SOX5: variants seen among roughly 807,000 people sequenced by gnomAD.
SOX5 encodes the protein transcription factor SOX-5.
SOX5 carries 9 observed loss-of-function variants against 92.0 expected under a neutral mutation model. The ratio of observed to expected loss-of-function variants is 0.10; its 90% confidence interval spans 0.06 to 0.17. SOX5 has a LOEUF of 0.17. SOX5 is among the 10% of genes least tolerant of loss of function. The probability of loss-of-function intolerance (pLI) is 1.00; values close to 1 mark genes in which losing one functional copy is unlikely to be tolerated. For missense variants in SOX5, 642 were observed against 944.5 expected, an observed-to-expected ratio of 0.68 and a Z score of 4.20; for synonymous variants, 344 against 336.3, an observed-to-expected ratio of 1.02 and a Z score of -0.25.
chr12:23,786,065 T>C (rs2095371568), intron 3 of SOX5, among the ~76,000 whole-genome samples: 4 of 152,108 alleles, frequency 2.6e-5, no homozygotes, highest in South Asian at 4.1e-4. Context: ...TTTCTAGTTA[T>C]CAATTCAGTG....
chr12:23,613,775 A>C (rs1178803236), intron 8 of SOX5, among the ~76,000 whole-genome samples: 1 of 152,216 alleles, frequency 6.6e-6, no homozygotes, highest in East Asian at 1.9e-4. Flanking sequence ...CCAAATAACA[A>C]ATATAGTATG....
At chr12:24,061,398 C>T (rs1419309606) in intron 4 of SOX5, among the ~76,000 whole-genome samples, 2 of 151,080 alleles carry the variant, frequency 1.3e-5, no homozygotes, top group African/African-American at 4.9e-5. Flanking sequence ...TCCATTATTG[C>T]CATGTATCCA....
chr12:24,122,362 T>C (rs1948713841), intron 4 of SOX5, among the ~76,000 whole-genome samples: 1 of 152,186 alleles, frequency 6.6e-6, no homozygotes, highest in African/African-American at 2.4e-5. Flanking sequence ...AAAAGTTTTC[T>C]GGAACGACCA....
intron 4 of SOX5, among the ~76,000 whole-genome samples, chr12:23,974,656 T>G (rs1948714196): frequency 6.6e-6 from 1 of 152,114 alleles, no homozygotes; most frequent in Non-Finnish European, 1.5e-5. Flanking sequence ...GACGGGAAGA[T>G]AGTGGTAATA....
chr12:23,594,561 T>C (rs1280868959), intron 9 of SOX5, among the ~76,000 whole-genome samples: 1 of 152,136 alleles, frequency 6.6e-6, no homozygotes, highest in Non-Finnish European at 1.5e-5. Flanking sequence ...AAAAATTCCT[T>C]TGCTACAAAG....
intron 7 of SOX5, among the ~76,000 whole-genome samples, chr12:23,662,956 C>G (rs892913427): frequency 3.9e-5 from 6 of 152,116 alleles, no homozygotes; most frequent in Non-Finnish European, 7.4e-5. Flanking sequence ...AAATAATTGG[C>G]AACCGGAAAA....
At position 24,328,205 on chromosome 12, in the gene SOX5, T is replaced by C. The variant is rs546249162; in HGVS notation, c.-174+40358A>G. ...ATTCAAGAAGGCAAAGATCTATGCA[T>C]GCTAGCAAATCCTATTTCCTGAATA... On this transcript the variant is annotated intron_variant, in intron 2 of 4. Transcript: ENST00000446891. 2.6e-5 allele frequency among the ~76,000 whole-genome samples: 4 copies of C among 152,348 alleles called. No individual in the cohort carries two copies. In the East Asian group the frequency reaches 7.7e-4, roughly 29 times the overall value.
At chr12:24,194,432 T>TGTAG (rs1246191280) in intron 4 of SOX5, among the ~76,000 whole-genome samples, 78 of 99,288 alleles carry the variant, frequency 7.9e-4, no homozygotes, top group African/African-American at 3.3e-3. Flanking sequence ...TAGGTAGGTA[T>TGTAG]GTAGGTAGGT....
chr12:23,803,674 G>C (rs1208466621), intron 3 of SOX5, among the ~76,000 whole-genome samples: 1 of 152,180 alleles, frequency 6.6e-6, no homozygotes, highest in African/African-American at 2.4e-5. Context: ...GTCTAGTGAA[G>C]AAAGAAATTG....
chr12:24,138,607 T>G lies in SOX5; in HGVS notation c.-2+74736A>C, dbSNP rs12819448. Among the ~76,000 whole-genome samples the G allele has an allele frequency of 5.3e-5, 8 of 152,184 alleles. No homozygotes were observed. The South Asian group carries it at 6.2e-4, about 12-fold the overall frequency. ...GTAGAGGAGGTTGGTGGGGGATGGGTATGGGGAAAATGTTTGCAAGTCAGG... is the reference window on the plus strand; with the variant it reads ...GTAGAGGAGGTTGGTGGGGGATGGGGATGGGGAAAATGTTTGCAAGTCAGG... On this transcript the variant is annotated intron_variant, in intron 4 of 4. Transcript: ENST00000446891.
intron 4 of SOX5, among the ~76,000 whole-genome samples, chr12:24,014,063 C>A (rs939674073): frequency 6.6e-6 from 1 of 152,086 alleles, no homozygotes; most frequent in African/African-American, 2.4e-5. Flanking sequence ...ACCTGAGAAC[C>A]CTTCGTGACT....
chr12:23,953,599 T>C (rs1945926932), upstream of SOX5, among the ~76,000 whole-genome samples: 1 of 152,028 alleles, frequency 6.6e-6, no homozygotes, highest in Non-Finnish European at 1.5e-5. Flanking sequence ...ATTATATATA[T>C]GTATATAAAA....
chr12:23,614,061 C>T (rs1202252633), intron 8 of SOX5, among the ~76,000 whole-genome samples: 2 of 152,154 alleles, frequency 1.3e-5, no homozygotes, highest in Non-Finnish European at 2.9e-5. Flanking sequence ...GACAAGGAAT[C>T]GCTTCTGTCC....
intron 3 of SOX5, among the ~76,000 whole-genome samples, chr12:23,780,156 T>C (rs114815961): frequency 1.3e-5 from 2 of 152,016 alleles, no homozygotes; most frequent in African/African-American, 4.8e-5. Context: ...GGACATTTTA[T>C]GTACTAGAGG....
At chr12:24,411,630 C>A (rs1373485290) in intron 1 of SOX5, among the ~76,000 whole-genome samples, 1 of 152,122 alleles carries the variant, frequency 6.6e-6, no homozygotes, top group African/African-American at 2.4e-5. Flanking sequence ...ATATACTGAG[C>A]CAGCCTTGAA....
intron 4 of SOX5, among the ~76,000 whole-genome samples, chr12:24,204,452 C>T (rs1392370970): frequency 6.6e-6 from 1 of 151,968 alleles, no homozygotes; most frequent in East Asian, 1.9e-4. Flanking sequence ...CCTCGGCTTC[C>T]TGAGTAACTG....
At chr12:24,086,814 T>C (rs948250848) in intron 4 of SOX5, among the ~76,000 whole-genome samples, 6 of 152,036 alleles carry the variant, frequency 3.9e-5, no homozygotes, top group African/African-American at 1.2e-4. Flanking sequence ...AGGAAGAATC[T>C]CCAAGCTCAA....
intron 4 of SOX5, among the ~76,000 whole-genome samples, chr12:24,180,057 A>C (rs1385443745): frequency 1.3e-5 from 2 of 151,752 alleles, no homozygotes; most frequent in Middle Eastern, 3.2e-3. Context: ...CAATCCTCCC[A>C]CCTCAGCCTC....
intron 1 of SOX5, among the ~76,000 whole-genome samples, chr12:24,431,468 C>T (rs1214347421): frequency 6.6e-6 from 1 of 152,150 alleles, no homozygotes; most frequent in Non-Finnish European, 1.5e-5. Flanking sequence ...TATGCCTATA[C>T]CCAAGATATC....
Sources: gnomAD v4.1 joint callset for allele counts (sites outside exome capture counted in the v4.1 genomes callset) on GRCh38, gnomAD v4.1.1 for gene constraint, MANE v1.5 for transcripts, NCBI Gene and HGNC (gene_info 2026-07-23, HGNC 2026-07-21) for gene names.